ART3: variants seen among roughly 807,000 people sequenced by gnomAD.
The protein encoded by ART3 is ADP-ribosyltransferase 3 (inactive).
Under a neutral mutation model 48.5 loss-of-function variants are expected in ART3, and 49 were observed. The ratio of observed to expected loss-of-function variants is 1.01; its 90% CI spans 0.80 to 1.28. ART3 has a LOEUF of 1.28. Ranked by LOEUF, ART3 falls within the 50% of genes most tolerant of loss-of-function variation. The pLI is 0.00. For synonymous variants in ART3, 145 were observed against 157.2 expected (o/e 0.92, Z 0.58); for missense variants, 438 against 454.3 (o/e 0.96, Z 0.33).
chr4:76,097,066 C>T (rs1175528289), intron 3 of ART3, among the ~76,000 whole-genome samples: 1 of 152,076 alleles, frequency 6.6e-6, no homozygotes, highest in African/African-American at 2.4e-5. Flanking sequence ...CCTGGATGGG[C>T]CCTTGAAAGT....
intron 2 of ART3, among the ~76,000 whole-genome samples, chr4:76,079,561 G>C (rs1036965404): frequency 6.6e-6 from 1 of 152,132 alleles, no homozygotes; most frequent in Non-Finnish European, 1.5e-5. Context: ...CCTGGGGAGC[G>C]TAGAGTTGAG....
At chr4:76,063,037 C>T (rs114336393) in intron 1 of ART3, among the ~76,000 whole-genome samples, 32 of 152,204 alleles carry the variant, frequency 2.1e-4, no homozygotes, top group African/African-American at 7.7e-4. Flanking sequence ...CTACCTTGAC[C>T]ACTCTATTTA....
intron 1 of ART3, among the ~76,000 whole-genome samples, chr4:76,025,474 A>C (rs1017332987): frequency 3.3e-5 from 5 of 152,208 alleles, no homozygotes; most frequent in Admixed American, 6.5e-5. Context: ...GATTTTTACT[A>C]AACATTGTAT....
At chr4:76,030,330 A>G (rs1409502537) in intron 1 of ART3, among the ~76,000 whole-genome samples, 10 of 152,218 alleles carry the variant, frequency 6.6e-5, no homozygotes, top group Admixed American at 4.6e-4. Context: ...TGCTGGGATT[A>G]CAGGCGTGAG....
At chr4:76,044,915 C>T (rs968357676) in intron 1 of ART3, among the ~76,000 whole-genome samples, 1 of 152,076 alleles carries the variant, frequency 6.6e-6, no homozygotes, top group South Asian at 2.1e-4. Flanking sequence ...TGGCATCCAG[C>T]GGGGGTTCCC....
intron 1 of ART3, among the ~76,000 whole-genome samples, chr4:76,027,544 G>A (rs954803688): frequency 5.2e-5 from 7 of 134,104 alleles, no homozygotes; most frequent in African/African-American, 1.4e-4. Flanking sequence ...TGATAATGCC[G>A]TGTTAGGATT....
At chr4:76,030,731 A>G (rs1203466577) in intron 1 of ART3, among the ~76,000 whole-genome samples, 1 of 152,228 alleles carries the variant, frequency 6.6e-6, no homozygotes, top group Non-Finnish European at 1.5e-5. Context: ...GGAATCATAC[A>G]ATATGTGGTC....
At chr4:76,054,163 A>G (rs1736395724) in intron 1 of ART3, among the ~76,000 whole-genome samples, 1 of 152,246 alleles carries the variant, frequency 6.6e-6, no homozygotes. Flanking sequence ...AGGAGAAAAT[A>G]GATCTGGTCG....
At chr4:76,080,445 A>G (rs7656282) in intron 2 of ART3, among the ~76,000 whole-genome samples, 16,875 of 152,252 alleles carry the variant, frequency 0.11, 1,268 homozygotes, top group East Asian at 0.34. Flanking sequence ...TGTTCATTAC[A>G]TAATTTAATT....
chr4:76,100,655 G>T, intron 6 of ART3, 140 bp from the exon 7 acceptor site: 1 of 995,188 alleles, frequency 1.0e-6, no homozygotes, highest in Non-Finnish European at 1.5e-6. Flanking sequence ...AAAATTCTGG[G>T]GGCTTGCATT....
intron 10 of ART3, chr4:76,105,526 A>G (rs1728276715): frequency 2.3e-6 from 3 of 1,288,996 alleles, no homozygotes; most frequent in African/African-American, 1.5e-5. Context: ...GTTTAGGAAT[A>G]AAAATGATAC....
At chr4:76,054,520 A>G (rs1718490515) in intron 1 of ART3, among the ~76,000 whole-genome samples, 1 of 152,194 alleles carries the variant, frequency 6.6e-6, no homozygotes, top group African/African-American at 2.4e-5. Context: ...TTTTGGATTC[A>G]AAACAAAAAT....
intron 1 of ART3, among the ~76,000 whole-genome samples, chr4:76,028,823 A>G (rs1733636510): frequency 6.6e-6 from 1 of 152,182 alleles, no homozygotes; most frequent in Non-Finnish European, 1.5e-5. Context: ...GTAGACCCTA[A>G]CAATCATCAT....
At chr4:76,023,298 T>C in intron 1 of ART3, 1 of 1,174,996 alleles carries the variant, frequency 8.5e-7, no homozygotes, top group Non-Finnish European at 1.3e-6. Flanking sequence ...AATACATTAT[T>C]TCTGTATTTT....
chr4:76,052,353 G>GC (rs1560599493), intron 1 of ART3, among the ~76,000 whole-genome samples: 1 of 152,064 alleles, frequency 6.6e-6, no homozygotes, highest in Non-Finnish European at 1.5e-5. Flanking sequence ...CATTGCAGTC[G>GC]CAAGTGCATG....
chr4:76,111,172 G>A (rs1336348084), intron 11 of ART3, among the ~76,000 whole-genome samples: 2 of 152,176 alleles, frequency 1.3e-5, no homozygotes, highest in East Asian at 3.8e-4. Flanking sequence ...ACATCTCTGA[G>A]GAGTTCATCT....
At chr4:76,084,333 G>A (rs1034597673) in intron 3 of ART3, among the ~76,000 whole-genome samples, 2 of 152,062 alleles carry the variant, frequency 1.3e-5, no homozygotes, top group African/African-American at 4.8e-5. Context: ...TCGGAGAAAT[G>A]GTCCACTAAA....
intron 1 of ART3, among the ~76,000 whole-genome samples, chr4:76,063,214 C>T (rs1021476195): frequency 2.0e-5 from 3 of 152,150 alleles, no homozygotes; most frequent in Non-Finnish European, 4.4e-5. Flanking sequence ...ATTTTGTTCA[C>T]TGACAACATC....
At chr4:76,047,934 T>G (rs1040962584) in intron 1 of ART3, among the ~76,000 whole-genome samples, 3 of 151,970 alleles carry the variant, frequency 2.0e-5, no homozygotes, top group African/African-American at 7.2e-5. Context: ...TCCCCAGGTC[T>G]GCCTTGATCT....
Sources: gnomAD v4.1 joint callset for allele counts (sites outside exome capture counted in the v4.1 genomes callset) on GRCh38, gnomAD v4.1.1 for gene constraint, MANE v1.5 for transcripts, NCBI Gene and HGNC (gene_info 2026-07-23, HGNC 2026-07-21) for gene names.